The following PCNX1 variants were observed in gnomAD, a reference collection of about 807,000 sequenced individuals.
PCNX1 encodes pecanex-like protein 1.
PCNX1 carries 78 observed loss-of-function variants against 242.2 expected under a neutral mutation model. The observed-to-expected ratio is 0.32, with a 90% confidence interval of 0.27 to 0.39. The LOEUF (loss-of-function observed/expected upper bound fraction) is 0.39. PCNX1 is among the 10% of genes least tolerant of loss of function. The pLI is 1.00. For synonymous variants in PCNX1, 1,024 were observed against 1,032.9 expected (o/e 0.99, Z 0.17); for missense variants, 2,581 against 2,856.5 (o/e 0.90, Z 2.20).
intron 30 of PCNX1, among the ~76,000 whole-genome samples, chr14:71,098,508 T>TTGTGTG (rs2062361797): frequency 9.3e-6 from 1 of 107,192 alleles, no homozygotes; most frequent in Non-Finnish European, 1.9e-5. Flanking sequence ...TTAGATGTAT[T>TTGTGTG]CGTGTGTGTG....
At chr14:71,039,891 T>TA (rs1386572543) in intron 19 of PCNX1, among the ~76,000 whole-genome samples, 1 of 152,208 alleles carries the variant, frequency 6.6e-6, no homozygotes, top group African/African-American at 2.4e-5. Flanking sequence ...GGCATGTAAT[T>TA]ACCATGTTTA....
At chr14:70,910,406 C>T (rs1398393711) in intron 1 of PCNX1, among the ~76,000 whole-genome samples, 1 of 151,664 alleles carries the variant, frequency 6.6e-6, no homozygotes, top group South Asian at 2.1e-4. Context: ...GCTCTCAGGG[C>T]CTGCCCTCTC....
At chr14:70,960,868 A>G (rs974595992) in intron 2 of PCNX1, among the ~76,000 whole-genome samples, 3 of 152,138 alleles carry the variant, frequency 2.0e-5, no homozygotes, top group African/African-American at 7.2e-5. Context: ...TTATACACCA[A>G]TAACAGACAA....
intron 8 of PCNX1, among the ~76,000 whole-genome samples, chr14:70,997,665 T>G (rs545999638): frequency 6.6e-6 from 1 of 152,138 alleles, no homozygotes; most frequent in Admixed American, 6.5e-5. Context: ...TCTATCGTAT[T>G]TGAATGGTGC....
intron 30 of PCNX1, chr14:71,093,529 T>C (rs2062192297): frequency 1.3e-5 from 2 of 152,240 alleles, no homozygotes; most frequent in Non-Finnish European, 2.9e-5. Flanking sequence ...TTGGGATTAT[T>C]CAAGACTGAT....
chr14:70,925,137 C>T (rs987958039), intron 1 of PCNX1, among the ~76,000 whole-genome samples: 2 of 151,890 alleles, frequency 1.3e-5, no homozygotes, highest in African/African-American at 4.8e-5. Context: ...TACAGGCGTG[C>T]GCCACAACGT....
intron 19 of PCNX1, among the ~76,000 whole-genome samples, chr14:71,041,820 A>G (rs575778106): frequency 1.8e-4 from 25 of 142,350 alleles, no homozygotes; most frequent in Non-Finnish European, 6.1e-5. Flanking sequence ...ATACTATACT[A>G]TACTATACAC....
Position 71,045,185 on chromosome 14 carries a change from C to T in PCNX1, c.3920C>T (p.Thr1307Ile), listed in dbSNP as rs758083097. 1.9e-6 allele frequency: 3 copies of T among 1,612,910 alleles called. No homozygotes were observed. The highest frequency in any genetic ancestry group is 2.5e-6 in the Non-Finnish European group (3 of 1,179,144). The change falls in exon 20 of 36, where the codon ACC becomes ATC. Residue 1307 changes from threonine to isoleucine, a missense_variant. Thr to Ile is a moderately conservative substitution (Grantham distance 89, BLOSUM62 -1). Transcript: ENST00000304743. The part of the protein sequence containing the change: ...YTLVGFVGFV[T>I]HYVLPQVRKQ... ...TTGGTTGGCTTTGTGGGTTTTGTAA[C>T]CCATTATGTGCTGCCTCAAGTTAGA...
At chr14:70,988,514 T>A (rs2059063070) in intron 6 of PCNX1, 53 bp from the exon 7 acceptor site, 1 of 1,582,562 alleles carries the variant, frequency 6.3e-7, no homozygotes, top group Non-Finnish European at 8.6e-7. Flanking sequence ...GCTCAGCTGC[T>A]ATTTACATCT....
At chr14:71,108,566 A>G in intron 33 of PCNX1, 38 bp from the exon 34 acceptor site, 1 of 1,510,146 alleles carries the variant, frequency 6.6e-7, no homozygotes, top group Non-Finnish European at 9.0e-7. Context: ...TGTCTGAGTC[A>G]TTCTACTTTG....
At chr14:71,034,238 G>A (rs1298289515) in intron 18 of PCNX1, among the ~76,000 whole-genome samples, 2 of 152,084 alleles carry the variant, frequency 1.3e-5, no homozygotes, top group Admixed American at 6.6e-5. Context: ...CTTGGTTTGT[G>A]TGTAGAACAG....
intron 21 of PCNX1, among the ~76,000 whole-genome samples, chr14:71,047,327 TGA>T (rs1352439679): frequency 6.6e-6 from 1 of 152,148 alleles, no homozygotes; most frequent in African/African-American, 2.4e-5. Flanking sequence ...TGATATTTTA[TGA>T]GAGGACATTT....
At chr14:71,023,797 A>G (rs1016829784) in intron 13 of PCNX1, among the ~76,000 whole-genome samples, 4 of 152,100 alleles carry the variant, frequency 2.6e-5, no homozygotes, top group African/African-American at 9.7e-5. Context: ...AGAACAGAGG[A>G]TATTCTATTT....
chr14:70,947,184 A>G, intron 2 of PCNX1, 61 bp downstream of exon 2: 1 of 1,221,392 alleles, frequency 8.2e-7, no homozygotes, highest in African/African-American at 1.5e-5. Context: ...CTGTATAATG[A>G]TGTGATTATT....
At chr14:71,008,902 T>G (rs1163235037) in intron 8 of PCNX1, among the ~76,000 whole-genome samples, 1 of 152,106 alleles carries the variant, frequency 6.6e-6, no homozygotes, top group Non-Finnish European at 1.5e-5. Context: ...ATGTAGAGTT[T>G]TAAAATTTCA....
At chr14:71,029,848 G>A (rs992598547) in intron 16 of PCNX1, among the ~76,000 whole-genome samples, 12 of 152,182 alleles carry the variant, frequency 7.9e-5, no homozygotes, top group African/African-American at 2.9e-4. Flanking sequence ...GGTAAGCAAA[G>A]GCTGGATCAT....
intron 30 of PCNX1, among the ~76,000 whole-genome samples, chr14:71,094,646 G>A (rs1056182655): frequency 2.6e-5 from 4 of 151,982 alleles, no homozygotes; most frequent in African/African-American, 7.2e-5. Flanking sequence ...AAACTGTTAC[G>A]TTGGACGTGA....
intron 24 of PCNX1, among the ~76,000 whole-genome samples, chr14:71,055,168 T>C (rs1363978185): frequency 6.6e-6 from 1 of 152,200 alleles, no homozygotes; most frequent in African/African-American, 2.4e-5. Flanking sequence ...AAGAATGTTC[T>C]AACCTCTTTG....
intron 2 of PCNX1, among the ~76,000 whole-genome samples, chr14:70,958,766 A>G (rs1171043479): frequency 1.3e-5 from 2 of 152,114 alleles, no homozygotes. Context: ...GCTAATCTCA[A>G]TGACCAGAAC....
Sources: allele counts gnomAD v4.1 joint callset (sites outside exome capture counted in the v4.1 genomes callset), GRCh38; gene constraint gnomAD v4.1.1; transcripts MANE v1.5; gene names NCBI Gene and HGNC (gene_info 2026-07-23, HGNC 2026-07-21).